FGGY: variants seen among roughly 807,000 people sequenced by gnomAD.
FGGY encodes FGGY carbohydrate kinase domain-containing protein.
Under a neutral mutation model 71.3 loss-of-function variants are expected in FGGY, and 72 were observed. That is an observed-to-expected ratio of 1.01 (90% CI 0.84 to 1.23). The LOEUF (loss-of-function observed/expected upper bound fraction) is 1.23. FGGY is among the 50% of genes most tolerant of loss of function. FGGY has a pLI of 0.00. For synonymous variants in FGGY, 251 were observed against 250.3 expected, an observed-to-expected ratio of 1.00 and a Z score of -0.02; for missense variants, 668 against 682.3, an observed-to-expected ratio of 0.98 and a Z score of 0.23.
chr1:59,678,682 G>C (rs2097461063), intron 14 of FGGY, among the ~76,000 whole-genome samples: 1 of 152,050 alleles, frequency 6.6e-6, no homozygotes, highest in African/African-American at 2.4e-5. Flanking sequence ...TTATCTTCAG[G>C]GGCAGTTTTT....
At chr1:59,324,155 T>C (rs1557544998) in intron 2 of FGGY, among the ~76,000 whole-genome samples, 1 of 152,076 alleles carries the variant, frequency 6.6e-6, no homozygotes, top group Non-Finnish European at 1.5e-5. Context: ...GTAAGGATAA[T>C]GTGGTGTCAA....
chr1:59,701,559 G>A (rs2097709962), intron 14 of FGGY, among the ~76,000 whole-genome samples: 1 of 152,126 alleles, frequency 6.6e-6, no homozygotes, highest in Admixed American at 6.5e-5. Context: ...CAACAGTATT[G>A]CAGAAGAGGC....
chr1:59,450,621 CT>C lies in FGGY; in HGVS notation c.555-6338del, dbSNP rs1302776570. Among the ~76,000 whole-genome samples, 3 of 152,192 alleles carry C rather than the reference CT, an allele frequency of 2.0e-5. No homozygotes were observed. The East Asian group carries it at 5.8e-4, about 29-fold the overall frequency. ...TATTACTCTTATAGTTTACATGTCT[CT>C]TCACATTCTGAAAGTACAATCACAT... On this transcript the variant is annotated intron_variant, in intron 5 of 15. Coordinates refer to ENST00000303721, the MANE Select transcript of FGGY (RefSeq NM_018291.5).
At chr1:59,578,383 G>A (rs928881509) in intron 8 of FGGY, among the ~76,000 whole-genome samples, 1 of 151,998 alleles carries the variant, frequency 6.6e-6, no homozygotes, top group African/African-American at 2.4e-5. Flanking sequence ...TGCATCAAGT[G>A]AGACCTTCCC....
chr1:59,639,068 G>A (rs992520787), intron 11 of FGGY, among the ~76,000 whole-genome samples: 5 of 152,234 alleles, frequency 3.3e-5, no homozygotes, highest in East Asian at 3.9e-4. Flanking sequence ...GAGGGGCCAG[G>A]TGAGGCCACA....
At chr1:59,599,387 T>A (rs1341160161) in intron 8 of FGGY, among the ~76,000 whole-genome samples, 3 of 152,168 alleles carry the variant, frequency 2.0e-5, no homozygotes, top group Admixed American at 6.5e-5. Context: ...TTATGCATGT[T>A]CTTAAAAGAA....
chr1:59,322,274 C>T (rs375373283), intron 2 of FGGY, among the ~76,000 whole-genome samples: 2 of 147,644 alleles, frequency 1.4e-5, no homozygotes, highest in East Asian at 2.0e-4. Flanking sequence ...TCCAGAGGTG[C>T]GCTCTTTTTT....
chr1:59,709,136 T>C (rs2097775854), intron 14 of FGGY, among the ~76,000 whole-genome samples: 2 of 152,128 alleles, frequency 1.3e-5, no homozygotes, highest in African/African-American at 4.8e-5. Context: ...GCTATAAAGA[T>C]ACTACCTGAG....
At chr1:59,583,230 GA>G (rs949716426) in intron 8 of FGGY, among the ~76,000 whole-genome samples, 1 of 143,374 alleles carries the variant, frequency 7.0e-6, no homozygotes, top group Non-Finnish European at 1.5e-5. Flanking sequence ...AAGCTTCAAT[GA>G]ATGAAGTTCT....
chr1:59,648,716 G>A (rs1315117688), intron 11 of FGGY, among the ~76,000 whole-genome samples: 1 of 150,932 alleles, frequency 6.6e-6, no homozygotes, highest in African/African-American at 2.5e-5. Flanking sequence ...TCAGTCTGAT[G>A]GTAGTTTCTT....
intron 2 of FGGY, among the ~76,000 whole-genome samples, chr1:59,326,953 A>G (rs1029704431): frequency 6.6e-6 from 1 of 152,258 alleles, no homozygotes; most frequent in Non-Finnish European, 1.5e-5. Context: ...TAAAAAAAGT[A>G]TATAACTTAA....
chr1:59,473,778 C>T (rs2093118433), intron 6 of FGGY, among the ~76,000 whole-genome samples: 1 of 152,206 alleles, frequency 6.6e-6, no homozygotes, highest in Non-Finnish European at 1.5e-5. Context: ...CTAATTACTA[C>T]TCCTGCCAAT....
chr1:59,552,368 AACT>A (rs1255718826), intron 7 of FGGY, among the ~76,000 whole-genome samples: 8 of 152,352 alleles, frequency 5.3e-5, no homozygotes, highest in South Asian at 2.1e-4. Context: ...GTGGATATGT[AACT>A]ACTGTGATAA....
chr1:59,462,476 AG>A (rs1413846138), intron 6 of FGGY, among the ~76,000 whole-genome samples: 1 of 152,190 alleles, frequency 6.6e-6, no homozygotes, highest in Non-Finnish European at 1.5e-5. Flanking sequence ...ATTAAACTAA[AG>A]AGCTTCTGGA....
chr1:59,316,872 C>T (rs994749094), intron 1 of FGGY, among the ~76,000 whole-genome samples: 31 of 152,088 alleles, frequency 2.0e-4, no homozygotes, highest in Admixed American at 1.6e-3. Context: ...CATTTCTTTC[C>T]GCCTGACCAC....
chr1:59,412,413 G>C (rs1478794819), intron 5 of FGGY, among the ~76,000 whole-genome samples: 1 of 152,074 alleles, frequency 6.6e-6, no homozygotes, highest in Non-Finnish European at 1.5e-5. Context: ...ACTTCTAGTG[G>C]GGCCATCTTG....
chr1:59,580,618 GA>G (rs1166253631), intron 8 of FGGY, among the ~76,000 whole-genome samples: 1 of 152,154 alleles, frequency 6.6e-6, no homozygotes, highest in African/African-American at 2.4e-5. Flanking sequence ...AGGCTTTAGA[GA>G]TGACAAATTC....
At chr1:59,516,604 G>A (rs2094659529) in intron 7 of FGGY, among the ~76,000 whole-genome samples, 2 of 152,328 alleles carry the variant, frequency 1.3e-5, no homozygotes, top group South Asian at 4.1e-4. Flanking sequence ...ACAACAGAAT[G>A]CAGGATTCAC....
At chr1:59,756,865 C>T (rs985528038) in intron 14 of FGGY, among the ~76,000 whole-genome samples, 23 of 151,584 alleles carry the variant, frequency 1.5e-4, no homozygotes, top group Non-Finnish European at 2.9e-4. Flanking sequence ...TTTGAAGATA[C>T]CCAGGGGCTC....
Sources: allele counts gnomAD v4.1 joint callset (sites outside exome capture counted in the v4.1 genomes callset), GRCh38; gene constraint gnomAD v4.1.1; transcripts MANE v1.5; gene names NCBI Gene and HGNC (gene_info 2026-07-23, HGNC 2026-07-21).